WIPI1: variants seen among roughly 807,000 people sequenced by gnomAD.
WIPI1 encodes WD repeat domain phosphoinositide-interacting protein 1.
In WIPI1, 45 loss-of-function variants were observed where a neutral mutation model predicts 55.3. That is an observed-to-expected ratio of 0.81 (90% CI 0.64 to 1.04). WIPI1 has a LOEUF of 1.04. WIPI1 is among the 50% of genes least tolerant of loss of function. The pLI is 0.00. For missense variants in WIPI1, 445 were observed against 559.0 expected, an observed-to-expected ratio of 0.80 and a Z score of 2.06; for synonymous variants, 195 against 217.6, an observed-to-expected ratio of 0.90 and a Z score of 0.92.
At chr17:68,445,108 C>T (rs552554342) in intron 3 of WIPI1, among the ~76,000 whole-genome samples, 9 of 152,002 alleles carry the variant, frequency 5.9e-5, no homozygotes, top group South Asian at 2.1e-4. Context: ...TTAGTAGAGA[C>T]GGGGTTTCAC....
rs564168450 is a variant in WIPI1 at position 68,421,510 on chromosome 17, A to G, written c.*263T>C. Reference sequence around the variant, plus strand: ...TATAAAATTCCGGTTATATACCAATATGGTTAATTAGCATTTACACTATAG... The same window carrying G: ...TATAAAATTCCGGTTATATACCAATGTGGTTAATTAGCATTTACACTATAG... On this transcript the variant is annotated 3_prime_UTR_variant, in exon 13 of 13. Transcript: ENST00000262139. The G allele has an allele frequency of 1.0e-5, 5 of 491,314 alleles. No individual in the cohort carries two copies. Among genetic ancestry groups the G allele is most frequent in the African/African-American group, 3.8e-5 (2 of 52,444 alleles). The allele number at this position is 491,314 out of a possible 1,614,324, so 30.4% of individuals were successfully genotyped here.
At chr17:68,430,297 C>T (rs2083452111) in intron 8 of WIPI1, 137 bp from the exon 9 acceptor site, 1 of 814,002 alleles carries the variant, frequency 1.2e-6, no homozygotes, top group Non-Finnish European at 1.9e-6. Flanking sequence ...GTTCTGCCCA[C>T]TGAGAACAAT....
In WIPI1 at chr17:68,437,016, A is replaced by ATG. The variant is rs71142180; in HGVS notation, c.431-539_431-538dup. On this transcript the variant is annotated intron_variant, in intron 4 of 12. Coordinates refer to ENST00000262139, the MANE Select transcript of WIPI1 (RefSeq NM_017983.7). ...CTCAAAAAAAAAAAAATATATATAT[A>ATG]TGTGTGTGTGTGTGTGTGTGTATAT... Among the ~76,000 whole-genome samples the ATG allele has an allele frequency of 3.0e-3, 430 of 144,660 alleles. 2 individuals are homozygous for ATG. Among genetic ancestry groups the ATG allele is most frequent in the African/African-American group, 0.01 (385 of 38,282 alleles). The allele number at this position is 144,660 out of a possible 152,430, so 94.9% of individuals were successfully genotyped here. A position where few individuals can be genotyped will look rare whatever the true frequency, so the allele number is the denominator to read the frequency against.
chr17:68,446,305 C>T (rs549148781), intron 3 of WIPI1, among the ~76,000 whole-genome samples: 2 of 152,134 alleles, frequency 1.3e-5, no homozygotes, highest in South Asian at 2.1e-4. Flanking sequence ...CCCAGCCTCT[C>T]GGGTGGCAGG....
At chr17:68,434,314 C>T (rs915298836) in intron 7 of WIPI1, among the ~76,000 whole-genome samples, 3 of 152,140 alleles carry the variant, frequency 2.0e-5, no homozygotes, top group East Asian at 1.9e-4. Context: ...CTGTGCCGGC[C>T]GCCCACACAC....
rs2082918501 is a variant in WIPI1 at position 68,423,124 on chromosome 17, C to G, written c.1294-1304G>C. Among the ~76,000 whole-genome samples, 2 of 152,268 alleles carry G rather than the reference C, an allele frequency of 1.3e-5. No homozygotes were observed. The highest frequency in any genetic ancestry group is 3.4e-3 in the Middle Eastern group (1 of 294). ...TCACTACAAGAGAGGCGATTTTAAC[C>G]AAGCTGAGACTCCAAGAGCCTTTTG... On this transcript the variant is annotated intron_variant, in intron 12 of 12. Transcript: ENST00000262139. This position sits in a 1 kb window ranked among gnomAD's most constrained non-coding sequence, Gnocchi z 4.4.
At chr17:68,433,803 C>CA (rs2083650423) in intron 7 of WIPI1, among the ~76,000 whole-genome samples, 1 of 88,790 alleles carries the variant, frequency 1.1e-5, no homozygotes, top group South Asian at 4.2e-4. Context: ...TTTTTTGAGA[C>CA]AGAGTCTCTC....
intron 4 of WIPI1, among the ~76,000 whole-genome samples, chr17:68,439,582 G>A (rs1342672235): frequency 2.0e-5 from 3 of 152,164 alleles, no homozygotes; most frequent in South Asian, 4.1e-4. Flanking sequence ...TATACCAAAA[G>A]CTATTGAACC....
At chr17:68,452,100 C>G (rs947402718) in intron 2 of WIPI1, among the ~76,000 whole-genome samples, 8 of 152,140 alleles carry the variant, frequency 5.3e-5, no homozygotes, top group African/African-American at 1.9e-4. Flanking sequence ...ATCACCCTGA[C>G]AAAATAAGGA....
At chr17:68,452,063 T>C (rs1334810438) in intron 2 of WIPI1, among the ~76,000 whole-genome samples, 1 of 152,232 alleles carries the variant, frequency 6.6e-6, no homozygotes, top group Non-Finnish European at 1.5e-5. Context: ...AGGTTGTATA[T>C]TGTTCGCTAT....
intron 3 of WIPI1, among the ~76,000 whole-genome samples, chr17:68,446,294 C>T (rs534151264): frequency 6.6e-6 from 1 of 152,168 alleles, no homozygotes; most frequent in African/African-American, 2.4e-5. Flanking sequence ...CATTTTCCCA[C>T]CCCAGCCTCT....
chr17:68,437,005 A>ATATAT (rs1555801304), intron 4 of WIPI1, among the ~76,000 whole-genome samples: 44 of 107,254 alleles, frequency 4.1e-4, no homozygotes, highest in Admixed American at 2.7e-3. Flanking sequence ...AAAAAAAAAA[A>ATATAT]ATATATATAT....
At position 68,421,736 on chromosome 17, in the gene WIPI1, TAGG is replaced by T; in HGVS notation, c.*34_*36del. On this transcript the variant is annotated 3_prime_UTR_variant, in exon 13 of 13. Transcript: ENST00000262139. ...CCTTGTTTTCTCCAAAACCACCTGA[TAGG>T]GGGGATGTCCTGATTTCTGAGGTGT... The T allele has an allele frequency of 1.2e-6, 2 of 1,613,970 alleles. No homozygotes were observed. Among genetic ancestry groups the T allele is most frequent in the Non-Finnish European group, 1.7e-6 (2 of 1,179,910 alleles).
chr17:68,428,635 A>G (rs1287587085), intron 10 of WIPI1, 194 bp downstream of exon 10: 2 of 548,200 alleles, frequency 3.6e-6, no homozygotes, highest in East Asian at 3.2e-5. Context: ...GCACTTTTCC[A>G]GATGATTACC....
intron 4 of WIPI1, among the ~76,000 whole-genome samples, chr17:68,443,987 A>G (rs2084183907): frequency 6.6e-6 from 1 of 152,236 alleles, no homozygotes; most frequent in South Asian, 2.1e-4. Flanking sequence ...TTAAATCCCG[A>G]GAATTCAGTA....
rs1222680375 is a variant in WIPI1 at position 68,437,808 on chromosome 17, A to C, written c.431-1329T>G. ...TTTTTATTTATAAGGGGATTCAAGA[A>C]GGGAGCATTTAAGTAAAGGATTTTC... On this transcript the variant is annotated intron_variant, in intron 4 of 12. Transcript: ENST00000262139. 2.0e-5 allele frequency among the ~76,000 whole-genome samples: 3 copies of C among 152,148 alleles called. No individual in the cohort carries two copies. In the South Asian group the frequency reaches 6.2e-4, roughly 32 times the overall value.
rs1364872198 is a variant in WIPI1 at position 68,457,451 on chromosome 17, G to A, written c.-30C>T. 6.8e-7 allele frequency: 1 copy of A among 1,471,976 alleles called. No individual in the cohort carries two copies. Among genetic ancestry groups the A allele is most frequent in the Non-Finnish European group, 9.0e-7 (1 of 1,111,278 alleles). The allele number at this position is 1,471,976 out of a possible 1,614,324, so 91.2% of individuals were successfully genotyped here. The stretch of plus-strand genomic sequence containing the variant: ...GGCTCGGCCCGGGAAGCCGCAGCTC[G>A]GAGCCGGCGACAGCCACCTCAGCAG... On this transcript the variant is annotated 5_prime_UTR_variant, in exon 1 of 13. Transcript: ENST00000262139.
At chr17:68,442,432 T>G (rs1364258507) in intron 4 of WIPI1, among the ~76,000 whole-genome samples, 1 of 133,876 alleles carries the variant, frequency 7.5e-6, no homozygotes, top group African/African-American at 2.9e-5. Context: ...ACCACCTCAC[T>G]CCAGCCTGGG....
Position 68,457,433 on chromosome 17 carries a change from CCCGGG to C in WIPI1, c.-17_-13del. On this transcript the variant is annotated 5_prime_UTR_variant, in exon 1 of 13. Coordinates refer to ENST00000262139, the MANE Select transcript of WIPI1 (RefSeq NM_017983.7). ...GCCTCGGCCTCCATCGGGGGCTCGGCCCGGGAAGCCGCAGCTCGGAGCCGGCGACA... is the reference window on the plus strand; with the variant it reads ...GCCTCGGCCTCCATCGGGGGCTCGGCAAGCCGCAGCTCGGAGCCGGCGACA... 1 of 416,858 alleles carries C rather than the reference CCCGGG, an allele frequency of 2.4e-6. No homozygotes were observed. The highest frequency in any genetic ancestry group is 5.0e-5 in the South Asian group (1 of 20,006). The allele number at this position is 416,858 out of a possible 1,614,324, so 25.8% of individuals were successfully genotyped here. A position where few individuals can be genotyped will look rare whatever the true frequency, so the allele number is the denominator to read the frequency against.
Sources: allele counts gnomAD v4.1 joint callset (sites outside exome capture counted in the v4.1 genomes callset), GRCh38; gene constraint gnomAD v4.1.1; non-coding constraint Gnocchi (gnomAD v3.1); transcripts MANE v1.5; gene names NCBI Gene and HGNC (gene_info 2026-07-23, HGNC 2026-07-21).